The following CD96 variants were observed in gnomAD, a reference collection of about 807,000 sequenced individuals.
CD96 encodes T-cell surface protein tactile.
A neutral mutation model predicts 71.3 loss-of-function variants in CD96; 70 were observed. The ratio of observed to expected loss-of-function variants is 0.98; its 90% CI spans 0.81 to 1.20. The LOEUF is 1.20. Ranked by LOEUF, CD96 falls within the 50% of genes most tolerant of loss-of-function variation. The pLI is 0.00. For missense variants in CD96, 742 were observed against 677.5 expected, an observed-to-expected ratio of 1.10 and a Z score of -1.06; for synonymous variants, 248 against 233.0, an observed-to-expected ratio of 1.06 and a Z score of -0.59.
At position 111,647,626 on chromosome 3, in the gene CD96, G is replaced by A. The variant is rs373346953; in HGVS notation, c.1561G>A (p.Gly521Ser). The part of the protein sequence containing the change: ...ALLFCCMILF[G>S]LGVRKWCQYQ... The stretch of plus-strand genomic sequence containing the variant: ...ACTCTTTTGCTGCATGATATTGTTT[G>A]GTCTTGGAGTGAGAAAATGGTGTCA... Residue 521 changes from glycine to serine, a missense_variant, in exon 13 of 14, where the codon GGT (glycine) becomes AGT (serine). Transcript: ENST00000352690. 55 of 1,611,246 alleles carry A rather than the reference G, an allele frequency of 3.4e-5. No individual in the cohort carries two copies. The highest frequency in any genetic ancestry group is 4.6e-5 in the Non-Finnish European group (54 of 1,177,678).
chr3:111,646,194 A>G lies in CD96; in HGVS notation c.1478-1349A>G, dbSNP rs1939820229. ...AAATTTCACTGGAGTATCATTAGCA[A>G]TAACAAAGTCTGGAAACAATTTAAC... On this transcript the variant is annotated intron_variant, in intron 12 of 13. Transcript: ENST00000352690. Among the ~76,000 whole-genome samples the G allele has an allele frequency of 1.3e-5, 2 of 152,152 alleles. 1 individual carries two copies. Among genetic ancestry groups the G allele is most frequent in the Admixed American group, 1.3e-4 (2 of 15,266 alleles).
At chr3:111,623,656 C>T (rs1332419352) in intron 8 of CD96, 98 bp from the exon 9 acceptor site, 3 of 775,402 alleles carry the variant, frequency 3.9e-6, no homozygotes, top group Non-Finnish European at 6.9e-6. Flanking sequence ...AGATTCTTTC[C>T]AACTCTAATA....
At chr3:111,598,815 T>C (rs557964592) in intron 6 of CD96, among the ~76,000 whole-genome samples, 2 of 152,260 alleles carry the variant, frequency 1.3e-5, no homozygotes, top group South Asian at 4.1e-4. Flanking sequence ...ATTTTATAGA[T>C]AGTAACCATG....
intron 1 of CD96, among the ~76,000 whole-genome samples, chr3:111,544,285 C>G (rs1934267801): frequency 1.3e-5 from 2 of 152,194 alleles, no homozygotes; most frequent in Non-Finnish European, 2.9e-5. Flanking sequence ...GCTGGGACTA[C>G]AGGCGTGCAC....
chr3:111,585,276 G>A lies in CD96; in HGVS notation c.752-47G>A, dbSNP rs763148383. 113 of 1,171,888 alleles carry A rather than the reference G, an allele frequency of 9.6e-5. 1 individual carries two copies. In the East Asian group the frequency reaches 2.2e-3, roughly 23 times the overall value. 72.6% of individuals were successfully genotyped at this position (1,171,888 alleles called of 1,614,324 possible). A position where few individuals can be genotyped will look rare whatever the true frequency, so the allele number is the denominator to read the frequency against. ...CACACATACACACACTAGTGGCCAG[G>A]TAGGATGACATTTGGTGCCACTAAC... On this transcript the variant is annotated intron_variant, in intron 4 of 13. Transcript: ENST00000352690.
chr3:111,635,903 C>T (rs1167114103), intron 10 of CD96, among the ~76,000 whole-genome samples: 2 of 151,774 alleles, frequency 1.3e-5, no homozygotes, highest in East Asian at 3.9e-4. Flanking sequence ...TCAGAACAAA[C>T]TTCCTTCTTC....
intron 14 of CD96, among the ~76,000 whole-genome samples, chr3:111,662,750 C>T (rs1348035142): frequency 1.3e-5 from 2 of 152,296 alleles, no homozygotes; most frequent in South Asian, 2.1e-4. Context: ...ACAGCCCGGG[C>T]TTCACTGTCT....
rs920219655 is a variant in CD96 at position 111,635,813 on chromosome 3, A to G, written c.1322-1383A>G. 3.3e-5 allele frequency among the ~76,000 whole-genome samples: 5 copies of G among 152,198 alleles called. No homozygotes were observed. In the South Asian group the frequency reaches 8.3e-4, roughly 25 times the overall value. ...TCTTTCTTGCAAACATACTTTGATG[A>G]GATACAAAATAAAGACATCAAGGTC... is the stretch of plus-strand genomic sequence containing the variant. On this transcript the variant is annotated intron_variant, in intron 10 of 13. Coordinates refer to ENST00000352690, the MANE Select transcript of CD96 (RefSeq NM_005816.5).
chr3:111,590,608 G>T (rs531175339), intron 5 of CD96, among the ~76,000 whole-genome samples: 1 of 152,340 alleles, frequency 6.6e-6, no homozygotes, highest in East Asian at 1.9e-4. Flanking sequence ...TGTGAATGTT[G>T]TATCTTATGC....
rs926034678 is a variant in CD96, at chr3:111,643,764, G to A, written c.1478-3779G>A. On this transcript the variant is annotated intron_variant, in intron 12 of 13. Transcript: ENST00000352690. ...AAAAAAAAAAAAAATGAAATACTTA[G>A]GAATATCCTAACAAAGGAGTCTAAA... 6.1e-5 allele frequency among the ~76,000 whole-genome samples: 9 copies of A among 146,470 alleles called. No individual in the cohort carries two copies. In the East Asian group the frequency reaches 1.6e-3, roughly 26 times the overall value.
chr3:111,620,059 A>G (rs1350820002), intron 8 of CD96, among the ~76,000 whole-genome samples: 1 of 152,226 alleles, frequency 6.6e-6, no homozygotes, highest in Non-Finnish European at 1.5e-5. Flanking sequence ...AATCCATGAC[A>G]TGTGAGACCA....
intron 2 of CD96, among the ~76,000 whole-genome samples, chr3:111,554,688 C>T (rs191704226): frequency 4.0e-4 from 61 of 151,966 alleles, no homozygotes; most frequent in Non-Finnish European, 7.4e-4. Flanking sequence ...CACTAGGTAC[C>T]GGCATGGAAG....
chr3:111,612,010 T>C (rs1173320221), intron 8 of CD96, among the ~76,000 whole-genome samples: 4 of 152,204 alleles, frequency 2.6e-5, no homozygotes, highest in African/African-American at 9.7e-5. Context: ...TAGATGTAGT[T>C]GAAGGCCTGT....
At chr3:111,552,007 G>A (rs931288490) in intron 2 of CD96, among the ~76,000 whole-genome samples, 11 of 152,092 alleles carry the variant, frequency 7.2e-5, no homozygotes, top group Non-Finnish European at 4.4e-5. Context: ...GGTGCAAGAT[G>A]ATATCTCCTT....
intron 5 of CD96, among the ~76,000 whole-genome samples, chr3:111,597,108 GTTCTT>G (rs1371493844): frequency 1.3e-5 from 2 of 152,116 alleles, no homozygotes; most frequent in Admixed American, 6.6e-5. Flanking sequence ...ACATTTAATT[GTTCTT>G]TACATGTTAA....
rs920204770 is a variant in CD96 at position 111,599,193 on chromosome 3, C to T, written c.898+983C>T. ...CCGTGTTAGCCAGGATGGTCTCGAT[C>T]TCCTGACCTCGTGATCCGCCCGCCT... is the stretch of plus-strand genomic sequence containing the variant. On this transcript the variant is annotated intron_variant, in intron 6 of 13. Transcript: ENST00000352690. 3.9e-5 allele frequency among the ~76,000 whole-genome samples: 6 copies of T among 152,156 alleles called. No individual in the cohort carries two copies. The East Asian group carries it at 1.2e-3, about 30-fold the overall frequency.
In CD96 at chr3:111,650,094, A is replaced by G. The variant is rs1940011368; in HGVS notation, c.*288A>G. On this transcript the variant is annotated 3_prime_UTR_variant, in exon 14 of 14. Transcript: ENST00000352690. ...TAGTCTGCCATCTTTAAAAAAAAAT[A>G]CAGTATTTTCATTTAAATTCTCTGA... 1 of 400,522 alleles carries G rather than the reference A, an allele frequency of 2.5e-6. No individual in the cohort carries two copies. Among genetic ancestry groups the G allele is most frequent in the African/African-American group, 2.0e-5 (1 of 48,996 alleles). 24.8% of individuals were successfully genotyped at this position (400,522 alleles called of 1,614,324 possible).
chr3:111,578,835 G>A (rs1936338947), intron 3 of CD96, among the ~76,000 whole-genome samples, 192 bp from the exon 4 acceptor site: 1 of 152,170 alleles, frequency 6.6e-6, no homozygotes, highest in South Asian at 2.1e-4. Flanking sequence ...TTAGGAGAGG[G>A]TAACAATAGT....
At chr3:111,570,935 G>A (rs1935950687) in intron 3 of CD96, 5 of 1,570,272 alleles carry the variant, frequency 3.2e-6, no homozygotes, top group Admixed American at 1.7e-5. Flanking sequence ...CAGCGTCAAA[G>A]TAGGGGGTCT....
Sources: allele counts gnomAD v4.1 joint callset (sites outside exome capture counted in the v4.1 genomes callset), GRCh38; gene constraint gnomAD v4.1.1; transcripts MANE v1.5; gene names NCBI Gene and HGNC (gene_info 2026-07-23, HGNC 2026-07-21).